Variants in MCPH1 observed in about 807,000 individuals in gnomAD.
MCPH1 encodes microcephalin.
MCPH1 carries 104 observed loss-of-function variants against 84.5 expected under a neutral mutation model. The ratio of observed to expected loss-of-function variants is 1.23; its 90% CI spans 1.05 to 1.45. The LOEUF (loss-of-function observed/expected upper bound fraction) is 1.45. MCPH1 is among the 40% of genes most tolerant of loss of function. MCPH1 has a pLI of 0.00. For missense variants in MCPH1, 1,498 were observed against 1,005.7 expected (o/e 1.49, Z -6.62); for synonymous variants, 514 against 366.8 (o/e 1.40, Z -4.58).
intron 9 of MCPH1, among the ~76,000 whole-genome samples, chr8:6,463,571 C>T (rs1806517584): frequency 6.6e-6 from 1 of 152,160 alleles, no homozygotes; most frequent in Non-Finnish European, 1.5e-5. Context: ...ATAAAAGGGT[C>T]CCAGTGGTGG....
chr8:6,459,951 AAG>A (rs1286895263), intron 9 of MCPH1, among the ~76,000 whole-genome samples: 2 of 152,222 alleles, frequency 1.3e-5, no homozygotes, highest in African/African-American at 4.8e-5. Context: ...GAACCGCGAG[AAG>A]AGAGAGGCTG....
chr8:6,517,844 CAG>C (rs143077363), intron 12 of MCPH1, among the ~76,000 whole-genome samples: 187 of 152,318 alleles, frequency 1.2e-3, no homozygotes, highest in African/African-American at 4.3e-3. Flanking sequence ...TTGTGACTTA[CAG>C]AGTCTTAAGT....
intron 12 of MCPH1, among the ~76,000 whole-genome samples, chr8:6,515,875 C>T (rs1240967170): frequency 1.3e-5 from 2 of 152,136 alleles, no homozygotes; most frequent in Admixed American, 6.5e-5. Flanking sequence ...AAGAGGAGAG[C>T]GAAAAGAGAA....
chr8:6,532,591 A>AAT, intron 12 of MCPH1: 1 of 847,372 alleles, frequency 1.2e-6, no homozygotes, highest in Admixed American at 3.7e-5. Flanking sequence ...AAAAAAAAAA[A>AAT]ATCTATCAAA....
At chr8:6,630,977 G>A (rs1199200279) in intron 13 of MCPH1, among the ~76,000 whole-genome samples, 5 of 152,118 alleles carry the variant, frequency 3.3e-5, no homozygotes, top group Admixed American at 2.6e-4. Flanking sequence ...CACAGAAACC[G>A]CTAAAATCAG....
intron 12 of MCPH1, among the ~76,000 whole-genome samples, chr8:6,608,898 C>T (rs1000560100): frequency 1.3e-5 from 2 of 152,142 alleles, no homozygotes; most frequent in Non-Finnish European, 1.5e-5. Flanking sequence ...ACTTAATTAG[C>T]GTGGGGTGGG....
chr8:6,626,474 G>GT (rs71213328), intron 13 of MCPH1: 134,711 of 858,006 alleles, frequency 0.16, 1,325 homozygotes, highest in East Asian at 0.36. Context: ...TTTTTGTTTT[G>GT]TTTTTTTTTT....
At chr8:6,531,115 C>T (rs568649831) in intron 12 of MCPH1, among the ~76,000 whole-genome samples, 177 of 152,168 alleles carry the variant, frequency 1.2e-3, no homozygotes, top group African/African-American at 4.1e-3. Flanking sequence ...GTCACGACCA[C>T]GGCCTTGAGC....
chr8:6,476,535 CTTAA>C (rs1308669437), intron 9 of MCPH1, among the ~76,000 whole-genome samples: 1 of 151,650 alleles, frequency 6.6e-6, no homozygotes, highest in Non-Finnish European at 1.5e-5. Flanking sequence ...GCATGAAATT[CTTAA>C]TTGTTTTGAA....
intron 1 of MCPH1, among the ~76,000 whole-genome samples, chr8:6,407,487 C>G (rs1032468609): frequency 9.2e-5 from 14 of 152,220 alleles, no homozygotes; most frequent in African/African-American, 2.9e-4. Context: ...GTCCCACCCT[C>G]TGTGCACCTG....
intron 5 of MCPH1, among the ~76,000 whole-genome samples, chr8:6,436,836 G>A (rs1802715515): frequency 6.6e-6 from 1 of 151,992 alleles, no homozygotes; most frequent in African/African-American, 2.4e-5. Flanking sequence ...TGGGAGTGGT[G>A]GCAGGCGCCT....
At chr8:6,521,295 C>G in intron 12 of MCPH1, 1 of 1,613,690 alleles carries the variant, frequency 6.2e-7, no homozygotes, top group African/African-American at 1.3e-5. Context: ...TCTAGTTCTT[C>G]AATGATGGAA....
chr8:6,476,067 A>G (rs1808407997), intron 9 of MCPH1, among the ~76,000 whole-genome samples: 2 of 152,206 alleles, frequency 1.3e-5, no homozygotes, highest in South Asian at 4.1e-4. Context: ...GTCAGTATTC[A>G]CTACAGTGGC....
At chr8:6,508,627 C>A in intron 12 of MCPH1, 2 of 560,170 alleles carry the variant, frequency 3.6e-6, no homozygotes, top group South Asian at 5.2e-5. Flanking sequence ...AACCATCTCT[C>A]TAGTATCCAG....
At position 6,409,253 on chromosome 8, in the gene MCPH1, G is replaced by A. The variant is rs1550697; in HGVS notation, c.23-26G>A. ...GGGGATGCTGGAATTTCAAATGTAT[G>A]TTTCATGTTCATATCTTGTTTTCAG... is the stretch of plus-strand genomic sequence containing the variant. On this transcript the variant is annotated intron_variant, in intron 1 of 13. Coordinates refer to ENST00000344683, the MANE Select transcript of MCPH1 (RefSeq NM_024596.5). The A allele has an allele frequency of 0.24, 375,258 of 1,569,786 alleles. 51,439 individuals are homozygous for A. The highest frequency in any genetic ancestry group is 0.61 in the African/African-American group (45,108 of 74,000).
In MCPH1 at chr8:6,487,270, C is replaced by T. The variant is rs143077151; in HGVS notation, c.2136+6394C>T. Among the ~76,000 whole-genome samples the T allele has an allele frequency of 2.2e-3, 340 of 152,288 alleles. 4 individuals carry two copies. The highest frequency in any genetic ancestry group is 7.9e-3 in the African/African-American group (327 of 41,550). On this transcript the variant is annotated intron_variant, in intron 11 of 13. Transcript: ENST00000344683. ...AAAATGATTTCATGATGACTATTTT[C>T]TTGAGATAATGTGATCCACATTGAA...
At chr8:6,483,298 A>G (rs1465101387) in intron 11 of MCPH1, among the ~76,000 whole-genome samples, 3 of 152,222 alleles carry the variant, frequency 2.0e-5, no homozygotes, top group African/African-American at 7.2e-5. Flanking sequence ...ATCTCAGTGG[A>G]CTCTTTCAAG....
At position 6,483,639 on chromosome 8, in the gene MCPH1, C is replaced by A. The variant is rs532667257; in HGVS notation, c.2136+2763C>A. ...AACCTTCCCAACACTTTGGGTGGAT[C>A]ACCTGAGGTCAGGAATTGGAGATCA... On this transcript the variant is annotated intron_variant, in intron 11 of 13. Transcript: ENST00000344683. Among the ~76,000 whole-genome samples the A allele has an allele frequency of 1.2e-4, 19 of 152,300 alleles. No individual in the cohort carries two copies. In the South Asian group the frequency reaches 3.5e-3, roughly 28 times the overall value.
At chr8:6,635,592 C>CA (rs1279884047) in intron 13 of MCPH1, among the ~76,000 whole-genome samples, 1 of 151,862 alleles carries the variant, frequency 6.6e-6, no homozygotes, top group African/African-American at 2.4e-5. Context: ...GGCCCTGTCT[C>CA]AAAAAAACCC....
Sources: gnomAD v4.1 joint callset for allele counts (sites outside exome capture counted in the v4.1 genomes callset) on GRCh38, gnomAD v4.1.1 for gene constraint, MANE v1.5 for transcripts, NCBI Gene and HGNC (gene_info 2026-07-23, HGNC 2026-07-21) for gene names.